Variants in LRRC4C observed in about 807,000 individuals in gnomAD.
The protein encoded by LRRC4C is leucine-rich repeat-containing protein 4C.
A neutral mutation model predicts 33.6 loss-of-function variants in LRRC4C; 5 were observed. The observed-to-expected ratio is 0.15, with a 90% CI of 0.08 to 0.31. The LOEUF is 0.31. Ranked by LOEUF, LRRC4C falls within the 10% of genes least tolerant of loss-of-function variation. The pLI, the probability that LRRC4C is intolerant of heterozygous loss-of-function variation, is 1.00. For synonymous variants in LRRC4C, 329 were observed against 302.0 expected, an observed-to-expected ratio of 1.09 and a Z score of -0.93; for missense variants, 560 against 796.7, an observed-to-expected ratio of 0.70 and a Z score of 3.58.
At chr11:40,955,734 A>C (rs1592181976) in intron 1 of LRRC4C, among the ~76,000 whole-genome samples, 1 of 151,972 alleles carries the variant, frequency 6.6e-6, no homozygotes, top group East Asian at 1.9e-4. Flanking sequence ...AAGTCAGTAA[A>C]GATTCTCTTG....
intron 1 of LRRC4C, among the ~76,000 whole-genome samples, chr11:41,089,302 T>C (rs1201470410): frequency 3.3e-5 from 5 of 152,014 alleles, no homozygotes; most frequent in East Asian, 1.9e-4. Context: ...ACTTGATCGG[T>C]AGTCTAGAGT....
chr11:41,272,528 G>T (rs1949353867), intron 1 of LRRC4C, among the ~76,000 whole-genome samples: 1 of 152,030 alleles, frequency 6.6e-6, no homozygotes, highest in South Asian at 2.1e-4. Context: ...AAGATGAATT[G>T]AATGAAGTAT....
chr11:41,238,329 A>G (rs1948108843), intron 1 of LRRC4C, among the ~76,000 whole-genome samples: 1 of 152,202 alleles, frequency 6.6e-6, no homozygotes, highest in Admixed American at 6.5e-5. Flanking sequence ...TGCTTGAAAC[A>G]TAAAGGTGTC....
intron 2 of LRRC4C, among the ~76,000 whole-genome samples, chr11:40,900,224 C>A (rs573077201): frequency 6.6e-6 from 1 of 152,122 alleles, no homozygotes; most frequent in East Asian, 1.9e-4. Context: ...TTTTAATGAA[C>A]AAATTGTTCT....
intron 3 of LRRC4C, among the ~76,000 whole-genome samples, chr11:40,466,222 T>C (rs1477989411): frequency 1.3e-5 from 2 of 151,972 alleles, no homozygotes; most frequent in Admixed American, 6.6e-5. Flanking sequence ...TGTGTACACA[T>C]GGACAGAGAG....
intron 4 of LRRC4C, among the ~76,000 whole-genome samples, chr11:40,318,611 A>C (rs1565267585): frequency 6.6e-6 from 1 of 152,160 alleles, no homozygotes; most frequent in Non-Finnish European, 1.5e-5. Flanking sequence ...TTACCAATAA[A>C]TAAATCCATG....
At chr11:40,710,317 T>A (rs1242521851) in intron 2 of LRRC4C, among the ~76,000 whole-genome samples, 1 of 152,186 alleles carries the variant, frequency 6.6e-6, no homozygotes, top group Non-Finnish European at 1.5e-5. Flanking sequence ...TTTCTCCCCA[T>A]CTTTGTGGTT....
intron 3 of LRRC4C, among the ~76,000 whole-genome samples, chr11:40,612,674 C>T (rs923600887): frequency 6.6e-6 from 1 of 151,790 alleles, no homozygotes; most frequent in Non-Finnish European, 1.5e-5. Flanking sequence ...GGTCTGCATA[C>T]AGAACACTAT....
chr11:40,635,980 A>T (rs1166251040), intron 3 of LRRC4C, among the ~76,000 whole-genome samples: 1 of 152,044 alleles, frequency 6.6e-6, no homozygotes, highest in East Asian at 1.9e-4. Flanking sequence ...GGAAAAAAAC[A>T]ATTCAAGAAG....
chr11:41,381,302 A>G (rs1332020672), intron 1 of LRRC4C, among the ~76,000 whole-genome samples: 1 of 152,168 alleles, frequency 6.6e-6, no homozygotes, highest in Non-Finnish European at 1.5e-5. Context: ...TGTAATGATC[A>G]GGAACCAAAT....
At chr11:40,851,520 G>T (rs550773767) in intron 2 of LRRC4C, among the ~76,000 whole-genome samples, 2 of 152,268 alleles carry the variant, frequency 1.3e-5, no homozygotes, top group South Asian at 4.1e-4. Context: ...TGGAAATGCA[G>T]TAATCACCTG....
chr11:40,973,539 G>A (rs1388778265), intron 1 of LRRC4C, among the ~76,000 whole-genome samples: 1 of 152,106 alleles, frequency 6.6e-6, no homozygotes, highest in African/African-American at 2.4e-5. Flanking sequence ...GAATAGATGT[G>A]GAGAGGGAGA....
intron 1 of LRRC4C, among the ~76,000 whole-genome samples, chr11:41,025,699 A>G (rs1316036515): frequency 5.3e-5 from 8 of 151,742 alleles, no homozygotes; most frequent in Non-Finnish European, 1.0e-4. Context: ...AAGATAATTG[A>G]CAAAGGTGGC....
chr11:41,179,185 CTTTT>C (rs556167987), intron 1 of LRRC4C, among the ~76,000 whole-genome samples: 5 of 136,548 alleles, frequency 3.7e-5, no homozygotes, highest in South Asian at 4.7e-4. Context: ...CCTCAAGCCT[CTTTT>C]TTTTTTTTTT....
At chr11:41,330,654 C>G (rs1951266050) in intron 1 of LRRC4C, among the ~76,000 whole-genome samples, 1 of 152,130 alleles carries the variant, frequency 6.6e-6, no homozygotes, top group Non-Finnish European at 1.5e-5. Flanking sequence ...TCACTGCAGC[C>G]TCGGCCACCT....
At chr11:41,450,928 A>G (rs1055899286) in intron 1 of LRRC4C, among the ~76,000 whole-genome samples, 1 of 152,092 alleles carries the variant, frequency 6.6e-6, no homozygotes, top group African/African-American at 2.4e-5. Flanking sequence ...CCCAACCACA[A>G]ATTCCTCAGG....
intron 3 of LRRC4C, among the ~76,000 whole-genome samples, chr11:40,418,661 G>GT (rs1464495996): frequency 6.6e-6 from 1 of 152,122 alleles, no homozygotes; most frequent in Non-Finnish European, 1.5e-5. Flanking sequence ...GCATGCACAC[G>GT]TATGTTCACT....
At chr11:40,491,841 T>A (rs1366347211) in intron 3 of LRRC4C, among the ~76,000 whole-genome samples, 1 of 152,188 alleles carries the variant, frequency 6.6e-6, no homozygotes, top group Non-Finnish European at 1.5e-5. Flanking sequence ...CAGTCCCACC[T>A]ATTTTCACAG....
chr11:41,177,547 T>C (rs150455427), intron 1 of LRRC4C, among the ~76,000 whole-genome samples: 1,542 of 152,266 alleles, frequency 0.01, 15 homozygotes, highest in African/African-American at 0.026. Context: ...CTCCTCCCTC[T>C]CTACCTTCAA....
Sources: allele counts gnomAD v4.1 joint callset (sites outside exome capture counted in the v4.1 genomes callset), GRCh38; gene constraint gnomAD v4.1.1; transcripts MANE v1.5; gene names NCBI Gene and HGNC (gene_info 2026-07-23, HGNC 2026-07-21).